ZNF827: variants seen among roughly 807,000 people sequenced by gnomAD.
ZNF827 encodes zinc finger protein 827.
In ZNF827, 13 loss-of-function variants were observed where a neutral mutation model predicts 102.4. The ratio of observed to expected loss-of-function variants is 0.13; its 90% CI spans 0.08 to 0.20. The LOEUF (loss-of-function observed/expected upper bound fraction) is 0.20. Ranked by LOEUF, ZNF827 falls within the 10% of genes least tolerant of loss-of-function variation. The pLI, the probability that ZNF827 is intolerant of heterozygous loss-of-function variation, is 1.00. For missense variants in ZNF827, 1,103 were observed against 1,344.4 expected, an observed-to-expected ratio of 0.82 and a Z score of 2.81; for synonymous variants, 523 against 536.2, an observed-to-expected ratio of 0.98 and a Z score of 0.34.
chr4:145,765,580 G>A lies in ZNF827; in HGVS notation c.3019C>T (p.Pro1007Ser). The change falls in exon 12 of 15, where the codon CCC becomes TCC. Residue 1007 changes from proline (P) to serine (S), a missense_variant. Transcript: ENST00000508784. The surrounding 1 kb of genome is among the most constrained non-coding windows in gnomAD (Gnocchi z 4.7). ...GGCTTTTCCTCACTGTTCAGTGAGG[G>A]CTGGCTCCCAGGCATGACAGAGATG... is the stretch of plus-strand genomic sequence containing the variant. ...LVISVMPGSQ[P>S]SLNSEEKPEK... The A allele has an allele frequency of 6.2e-7, 1 of 1,613,918 alleles. No homozygotes were observed. The highest frequency in any genetic ancestry group is 1.7e-4 in the Middle Eastern group (1 of 6,040).
chr4:145,923,965 T>C (rs1285587479), intron 1 of ZNF827, among the ~76,000 whole-genome samples: 1 of 152,206 alleles, frequency 6.6e-6, no homozygotes, highest in Non-Finnish European at 1.5e-5. Flanking sequence ...GATATGTACA[T>C]GCATGTTCAC....
At chr4:145,883,847 C>G (rs1242100440) in intron 4 of ZNF827, among the ~76,000 whole-genome samples, 1 of 152,068 alleles carries the variant, frequency 6.6e-6, no homozygotes, top group East Asian at 1.9e-4. Context: ...ATAAAAGGAG[C>G]CCCCTTTGCT....
intron 8 of ZNF827, among the ~76,000 whole-genome samples, chr4:145,798,424 G>C (rs1004747678): frequency 6.6e-6 from 1 of 152,204 alleles, no homozygotes; most frequent in African/African-American, 2.4e-5. Context: ...CCAGCACTTT[G>C]GAAGGCTGAG....
At chr4:145,772,796 TAACA>T (rs1736478125) in intron 11 of ZNF827, among the ~76,000 whole-genome samples, 1 of 152,246 alleles carries the variant, frequency 6.6e-6, no homozygotes, top group Non-Finnish European at 1.5e-5. Flanking sequence ...GTGACTGTAC[TAACA>T]AACAAGAATA....
chr4:145,819,951 G>A (rs1742983490), intron 8 of ZNF827: 1 of 152,268 alleles, frequency 6.6e-6, no homozygotes, highest in Admixed American at 6.5e-5. Context: ...CTCTGGGACG[G>A]TGGCAGCTGT....
intron 7 of ZNF827, among the ~76,000 whole-genome samples, chr4:145,826,912 A>C (rs1043483651): frequency 6.6e-6 from 1 of 152,110 alleles, no homozygotes; most frequent in East Asian, 1.9e-4. Context: ...ACGCCCGACT[A>C]ATTTTTGTAT....
chr4:145,766,927 A>G (rs957426374), intron 11 of ZNF827, among the ~76,000 whole-genome samples: 2 of 152,178 alleles, frequency 1.3e-5, no homozygotes, highest in African/African-American at 4.8e-5. Flanking sequence ...CAAGACCCCA[A>G]AGGAACGAGG....
At chr4:145,778,520 A>G (rs1419983652) in intron 9 of ZNF827, among the ~76,000 whole-genome samples, 1 of 152,148 alleles carries the variant, frequency 6.6e-6, no homozygotes, top group East Asian at 1.9e-4. Context: ...GCTGAGATGG[A>G]AGGATCACTT....
chr4:145,765,420 G>T lies in ZNF827; in HGVS notation c.3052+127C>A. 1 of 1,189,528 alleles carries T rather than the reference G, an allele frequency of 8.4e-7. No homozygotes were observed. The highest frequency in any genetic ancestry group is 1.2e-6 in the Non-Finnish European group (1 of 861,664). 73.7% of individuals were successfully genotyped at this position (1,189,528 alleles called of 1,614,324 possible). A position where few individuals can be genotyped will look rare whatever the true frequency, so the allele number is the denominator to read the frequency against. On this transcript the variant is annotated intron_variant, in intron 12 of 14. Transcript: ENST00000508784. This position sits in a 1 kb window ranked among gnomAD's most constrained non-coding sequence, Gnocchi z 4.7. ...CAAAAGAAATACAACCTTTAGGTGA[G>T]GCCCAGCATACTGCATCCTGGGCCT...
rs773373962 is a variant in ZNF827, at chr4:145,903,082, C to T, written c.177G>A (p.Arg59=). ...QENYKLSLED[R]IQEQSTSPDT... is the part of the protein sequence containing the mutation. The stretch of plus-strand genomic sequence containing the variant: ...CCGGGGACGTGGACTGCTCCTGGAT[C>T]CGGTCCTCCAGAGACAACTTATAGT... The change falls in exon 2 of 15, where the codon CGG becomes CGA. Residue 59 remains arginine (R), a synonymous_variant. Coordinates refer to ENST00000508784, the MANE Select transcript of ZNF827 (RefSeq NM_001306215.2). 50 of 1,614,060 alleles carry T rather than the reference C, an allele frequency of 3.1e-5. 1 individual carries two copies. The highest frequency in any genetic ancestry group is 1.7e-6 in the Non-Finnish European group (2 of 1,180,044).
chr4:145,774,665 C>G lies in ZNF827; in HGVS notation c.2701G>C (p.Val901Leu), dbSNP rs1269821412. The G allele has an allele frequency of 6.2e-7, 1 of 1,613,392 alleles. No homozygotes were observed. The highest frequency in any genetic ancestry group is 2.2e-5 in the East Asian group (1 of 44,852). ...KKHPYYYSCH[V>L]CGFETELNVQ... ...TTGAGCTCGGTCTCAAATCCACACA[C>G]GTGACAACTACATGAAAGGGTAAAA... The change falls in exon 11 of 15, where the codon GTG becomes CTG. Residue 901 changes from valine to leucine, a missense_variant. Physicochemically the swap from Val to Leu is conservative, Grantham distance 32. Coordinates refer to ENST00000508784, the MANE Select transcript of ZNF827 (RefSeq NM_001306215.2).
chr4:145,909,191 A>G (rs1463639930), intron 1 of ZNF827, among the ~76,000 whole-genome samples: 1 of 152,222 alleles, frequency 6.6e-6, no homozygotes, highest in Non-Finnish European at 1.5e-5. Context: ...CTATTACATT[A>G]TAAATACCTG....
intron 4 of ZNF827, chr4:145,870,706 T>C (rs1748611984): frequency 4.5e-6 from 2 of 446,858 alleles, no homozygotes; most frequent in Non-Finnish European, 8.0e-6. Context: ...TAAAATATTT[T>C]AAGAAGTGCT....
rs776001463 is a variant in ZNF827 at position 145,764,930 on chromosome 4, A to G, written c.3230+58T>C. 3 of 1,606,514 alleles carry G rather than the reference A, an allele frequency of 1.9e-6. No individual in the cohort carries two copies. The East Asian group carries it at 6.7e-5, about 36-fold the overall frequency. ...CTTCACGGGAAGGGACGGGGTAGGGAAGGGGAAAGGGTATTTAATAACAAC... is the reference window on the plus strand; with the variant it reads ...CTTCACGGGAAGGGACGGGGTAGGGGAGGGGAAAGGGTATTTAATAACAAC... On this transcript the variant is annotated intron_variant, in intron 13 of 14. Coordinates refer to ENST00000508784, the MANE Select transcript of ZNF827 (RefSeq NM_001306215.2).
At chr4:145,926,048 A>T (rs551009253) in intron 1 of ZNF827, among the ~76,000 whole-genome samples, 2 of 152,192 alleles carry the variant, frequency 1.3e-5, no homozygotes, top group African/African-American at 4.8e-5. Context: ...CTGAATTTTA[A>T]TTATTTGTTT....
chr4:145,828,290 G>C (rs1472862936), intron 7 of ZNF827, among the ~76,000 whole-genome samples: 1 of 152,090 alleles, frequency 6.6e-6, no homozygotes, highest in Non-Finnish European at 1.5e-5. Context: ...ATTTTATTAT[G>C]AAAAAGCCCC....
At chr4:145,901,038 A>G (rs564594896) in intron 2 of ZNF827, among the ~76,000 whole-genome samples, 1 of 152,332 alleles carries the variant, frequency 6.6e-6, no homozygotes, top group African/African-American at 2.4e-5. Context: ...CAAGTTTTGA[A>G]GTACTTATAA....
intron 7 of ZNF827, among the ~76,000 whole-genome samples, chr4:145,833,782 ATC>A (rs1744519893): frequency 6.8e-6 from 1 of 146,144 alleles, no homozygotes; most frequent in Non-Finnish European, 1.5e-5. Context: ...AACCTCTTTT[ATC>A]TCTGTGCCCC....
At chr4:145,917,722 A>G (rs975120016) in intron 1 of ZNF827, among the ~76,000 whole-genome samples, 27 of 147,328 alleles carry the variant, frequency 1.8e-4, no homozygotes, top group African/African-American at 4.4e-4. Context: ...AAAAAAAAAA[A>G]AAAAGAAAAG....
Sources: gnomAD v4.1 joint callset for allele counts (sites outside exome capture counted in the v4.1 genomes callset) on GRCh38, gnomAD v4.1.1 for gene constraint, Gnocchi (gnomAD v3.1) non-coding constraint, MANE v1.5 for transcripts, NCBI Gene and HGNC (gene_info 2026-07-23, HGNC 2026-07-21) for gene names.